Variants in MAF observed in about 807,000 individuals in gnomAD.
MAF encodes MAF bZIP transcription factor, also known as transcription factor Maf.
A neutral mutation model predicts 22.0 loss-of-function variants in MAF; 10 were observed. That is an observed-to-expected ratio of 0.45 (90% confidence interval 0.28 to 0.77). The LOEUF is 0.77. Among genes scored for constraint, MAF ranks in the 30% least tolerant of loss-of-function variants. The probability of loss-of-function intolerance (pLI) is 0.12; values close to 1 mark genes in which losing one functional copy is unlikely to be tolerated. For synonymous variants in MAF, 337 were observed against 255.8 expected (o/e 1.32, Z -3.03); for missense variants, 544 against 548.4 (o/e 0.99, Z 0.08).
chr16:79,238,736 T>A, the MAF span, among the ~76,000 whole-genome samples: 3 of 152,164 alleles, frequency 2.0e-5, no homozygotes, highest in African/African-American at 4.8e-5. Context: ...CTGAAAAAAA[T>A]CAGTCATTTA....
the MAF span, among the ~76,000 whole-genome samples, chr16:79,560,433 A>C: frequency 1.3e-5 from 2 of 150,652 alleles, no homozygotes; most frequent in Non-Finnish European, 3.0e-5. Context: ...AAAAAAAAAA[A>C]CCTGAACTAT....
chr16:79,335,135 A>C, the MAF span, among the ~76,000 whole-genome samples: 1 of 151,216 alleles, frequency 6.6e-6, no homozygotes, highest in South Asian at 2.1e-4. Flanking sequence ...CAGTAATCCA[A>C]GATCGCGCCA....
chr16:79,464,643 G>C, the MAF span, among the ~76,000 whole-genome samples: 5 of 152,164 alleles, frequency 3.3e-5, no homozygotes, highest in African/African-American at 4.8e-5. Flanking sequence ...CAGCTCTTCA[G>C]GGTACCTGGC....
chr16:79,258,705 T>C, the MAF span, among the ~76,000 whole-genome samples: 18 of 152,306 alleles, frequency 1.2e-4, no homozygotes, highest in Non-Finnish European at 2.2e-4. Flanking sequence ...GGTAGTCAGT[T>C]AGGCACCCAG....
chr16:79,350,368 C>T, the MAF span, among the ~76,000 whole-genome samples: 2 of 152,198 alleles, frequency 1.3e-5, no homozygotes, highest in African/African-American at 2.4e-5. Flanking sequence ...CGAGTTCTGA[C>T]CCCAGCAATA....
chr16:79,420,576 C>T, the MAF span, among the ~76,000 whole-genome samples: 65 of 152,294 alleles, frequency 4.3e-4, no homozygotes, highest in African/African-American at 1.4e-3. Context: ...AACAACCTCC[C>T]GCACCAGAGT....
At chr16:79,258,638 G>T in the MAF span, among the ~76,000 whole-genome samples, 1 of 152,190 alleles carries the variant, frequency 6.6e-6, no homozygotes, top group Non-Finnish European at 1.5e-5. Flanking sequence ...AGGCTTTGGG[G>T]AAGGAACAAG....
the MAF span, among the ~76,000 whole-genome samples, chr16:79,462,972 G>A: frequency 6.6e-6 from 1 of 152,222 alleles, no homozygotes; most frequent in Non-Finnish European, 1.5e-5. Flanking sequence ...GGGTGGTAAA[G>A]GATGGGCCTG....
chr16:79,321,258 G>A, the MAF span, among the ~76,000 whole-genome samples: 1 of 152,182 alleles, frequency 6.6e-6, no homozygotes, highest in Non-Finnish European at 1.5e-5. Flanking sequence ...ACACCTCAAG[G>A]TAGGGGAATG....
At chr16:79,264,152 T>C in the MAF span, among the ~76,000 whole-genome samples, 1 of 152,132 alleles carries the variant, frequency 6.6e-6, no homozygotes, top group African/African-American at 2.4e-5. Flanking sequence ...AGAAGTGAGA[T>C]CATATTGTAG....
At chr16:79,221,635 C>A in the MAF span, among the ~76,000 whole-genome samples, 1 of 152,148 alleles carries the variant, frequency 6.6e-6, no homozygotes, top group African/African-American at 2.4e-5. Context: ...TAAAACAAGG[C>A]AATCTTCATC....
At chr16:79,379,884 A>C in the MAF span, among the ~76,000 whole-genome samples, 1 of 152,308 alleles carries the variant, frequency 6.6e-6, no homozygotes, top group South Asian at 2.1e-4. Flanking sequence ...GTGAATGAGA[A>C]GAAGCAAGCT....
chr16:79,301,351 G>A, the MAF span, among the ~76,000 whole-genome samples: 1 of 152,028 alleles, frequency 6.6e-6, no homozygotes, highest in South Asian at 2.1e-4. Context: ...TGGATTGTAA[G>A]TGTGCCTCCA....
the MAF span, among the ~76,000 whole-genome samples, chr16:79,536,500 G>A: frequency 6.6e-6 from 1 of 152,162 alleles, no homozygotes; most frequent in Admixed American, 6.5e-5. Flanking sequence ...AAAATAGCAA[G>A]GCATGGTGGT....
Position 79,594,540 on chromosome 16 carries a change from G to T in MAF, c.1132C>A (p.Arg378Ser), listed in dbSNP as rs752338390. Residue 378 changes from arginine (R) to serine (S), a missense_variant, in exon 2 of 2, where the codon CGC (arginine) becomes AGC (serine). Arg to Ser is a moderately radical substitution (Grantham distance 110). Around this residue, in one of 5 missense-constraint regions of MAF, gnomAD observed 129 missense variants for 113.6 expected, o/e 1.14. Transcript: ENST00000326043. ...SPEFFITEPT[R>S]KLEPSVGYAT... is the part of the protein sequence containing the mutation. ...TATCCCACTGATGGCTCCAACTTGC[G>T]AGTGGGCTCAGTTCTGTAATTGGAA... 1.2e-5 allele frequency: 19 copies of T among 1,562,532 alleles called. No homozygotes were observed. Among genetic ancestry groups the T allele is most frequent in the Non-Finnish European group, 1.7e-5 (19 of 1,151,138 alleles).
chr16:79,300,897 T>C, the MAF span, among the ~76,000 whole-genome samples: 50 of 152,246 alleles, frequency 3.3e-4, no homozygotes, highest in African/African-American at 1.2e-3. Context: ...TGCATGTTTT[T>C]ATACAAACCA....
the MAF span, among the ~76,000 whole-genome samples, chr16:79,539,270 G>C: frequency 2.0e-5 from 3 of 152,208 alleles, no homozygotes; most frequent in Non-Finnish European, 2.9e-5. Flanking sequence ...TCGGGAGGCC[G>C]AGCCGGGTGG....
chr16:79,440,061 T>C, the MAF span, among the ~76,000 whole-genome samples: 1 of 152,242 alleles, frequency 6.6e-6, no homozygotes, highest in Admixed American at 6.5e-5. Flanking sequence ...AGTTCTATTT[T>C]CCACTTCCCT....
chr16:79,364,318 C>A, the MAF span, among the ~76,000 whole-genome samples: 1 of 152,072 alleles, frequency 6.6e-6, no homozygotes, highest in Non-Finnish European at 1.5e-5. Context: ...GTTGGGGGAC[C>A]AAATTAAAGT....
Sources: gnomAD v4.1 joint callset for allele counts (sites outside exome capture counted in the v4.1 genomes callset) on GRCh38, gnomAD v4.1.1 for gene constraint, gnomAD v4.1.1 regional missense constraint, MANE v1.5 for transcripts, NCBI Gene and HGNC (gene_info 2026-07-23, HGNC 2026-07-21) for gene names.